The following ANO3 variants were observed in gnomAD, a reference collection of about 807,000 sequenced individuals.
ANO3 encodes anoctamin 3.
In ANO3, 99 loss-of-function variants were observed where a neutral mutation model predicts 144.8. The ratio of observed to expected loss-of-function variants is 0.68; its 90% CI spans 0.58 to 0.81. The LOEUF is 0.81. Ranked by LOEUF, ANO3 falls within the 30% of genes least tolerant of loss-of-function variation. The pLI is 0.00. For missense variants in ANO3, 905 were observed against 1,202.2 expected (o/e 0.75, Z 3.66); for synonymous variants, 414 against 392.6 (o/e 1.05, Z -0.64).
At position 26,598,892 on chromosome 11, in the gene ANO3, A is replaced by G; in HGVS notation, c.1565A>G (p.Tyr522Cys). ...CGTCCCCAGTTTGAAGCCAAGTATT[A>G]CAAGATGGAGATTGTAAATCCCATC... ...TLRPQFEAKYYKMEIVNPITG... is the reference protein window; with the variant it reads ...TLRPQFEAKYCKMEIVNPITG... Residue 522 changes from tyrosine (Y) to cysteine (C), a missense_variant, in exon 16 of 27, where the codon TAC becomes TGC. This residue lies in a region of ANO3 where 597 missense variants were observed against 865.1 expected (regional missense o/e 0.69). Transcript: ENST00000256737. The G allele has an allele frequency of 6.2e-7, 1 of 1,613,994 alleles. No individual in the cohort carries two copies. The highest frequency in any genetic ancestry group is 8.5e-7 in the Non-Finnish European group (1 of 1,179,962).
At chr11:26,531,032 TA>T (rs1463705667) in intron 7 of ANO3, among the ~76,000 whole-genome samples, 172 bp from the exon 8 acceptor site, 14 of 152,366 alleles carry the variant, frequency 9.2e-5, no homozygotes, top group African/African-American at 3.1e-4. Flanking sequence ...TTTGTTTTGC[TA>T]TTTTCTTCTT....
At chr11:26,397,983 G>A (rs9943475) in intron 1 of ANO3, among the ~76,000 whole-genome samples, 40,021 of 150,774 alleles carry the variant, frequency 0.27, 5,917 homozygotes, top group African/African-American at 0.4. Flanking sequence ...GCTCCCTTCA[G>A]CTTTTCTCAA....
At chr11:26,436,881 G>A (rs72886264) in intron 1 of ANO3, among the ~76,000 whole-genome samples, 6,360 of 152,158 alleles carry the variant, frequency 0.042, 183 homozygotes, top group African/African-American at 0.078. Context: ...TAGGAGATTC[G>A]TCCGGTGGTG....
intron 14 of ANO3, 80 bp downstream of exon 14, chr11:26,559,859 CA>C (rs1285370414): frequency 8.8e-6 from 8 of 905,584 alleles, no homozygotes; most frequent in Non-Finnish European, 7.3e-6. Context: ...CACACACACA[CA>C]CACACACACA....
chr11:26,649,076 CT>C (rs1853441093), intron 24 of ANO3, among the ~76,000 whole-genome samples: 1 of 152,056 alleles, frequency 6.6e-6, no homozygotes, highest in Admixed American at 6.5e-5. Flanking sequence ...CGAGTTGTAA[CT>C]TTGCCTTTTT....
chr11:26,358,838 G>A (rs1855852838), intron 1 of ANO3, among the ~76,000 whole-genome samples: 1 of 151,844 alleles, frequency 6.6e-6, no homozygotes. Flanking sequence ...ATTCACCAAC[G>A]TTTTCTTTCT....
At chr11:26,301,150 C>A (rs762732321) in intron 1 of ANO3, among the ~76,000 whole-genome samples, 1 of 134,374 alleles carries the variant, frequency 7.4e-6, no homozygotes, top group African/African-American at 3.3e-5. Flanking sequence ...CCACGCCCAG[C>A]CTCTTTACTT....
intron 12 of ANO3, among the ~76,000 whole-genome samples, chr11:26,547,908 A>T (rs560065164): frequency 1.3e-5 from 2 of 152,062 alleles, no homozygotes; most frequent in East Asian, 3.9e-4. Flanking sequence ...TCATTATAAA[A>T]GCTATAATTT....
chr11:26,457,379 C>T (rs567649073), intron 3 of ANO3, among the ~76,000 whole-genome samples: 1 of 149,060 alleles, frequency 6.7e-6, no homozygotes, highest in East Asian at 2.0e-4. Flanking sequence ...TTAAAATTTT[C>T]CACTGGCATA....
intron 17 of ANO3, among the ~76,000 whole-genome samples, chr11:26,605,417 G>A (rs1426534384): frequency 6.6e-6 from 1 of 152,128 alleles, no homozygotes; most frequent in Non-Finnish European, 1.5e-5. Flanking sequence ...CCAGGTTTTG[G>A]TATCAGGATG....
At chr11:26,625,013 C>A (rs1852535663) in intron 18 of ANO3, among the ~76,000 whole-genome samples, 1 of 151,952 alleles carries the variant, frequency 6.6e-6, no homozygotes, top group Admixed American at 6.6e-5. Flanking sequence ...CAAGCTGCAC[C>A]TCGCAGGTTC....
chr11:26,511,430 T>A (rs866468149), intron 5 of ANO3, among the ~76,000 whole-genome samples: 26 of 152,044 alleles, frequency 1.7e-4, no homozygotes, highest in African/African-American at 5.3e-4. Context: ...AAAAAAAAAT[T>A]TTTTATACTC....
At chr11:26,250,642 T>C (rs77594943) in intron 1 of ANO3, among the ~76,000 whole-genome samples, 2,802 of 152,262 alleles carry the variant, frequency 0.018, 70 homozygotes, top group East Asian at 0.13. Context: ...ACTAAATTAT[T>C]TTTCTCATTT....
intron 1 of ANO3, among the ~76,000 whole-genome samples, chr11:26,317,315 T>C (rs952232389): frequency 6.6e-6 from 1 of 151,528 alleles, no homozygotes; most frequent in Non-Finnish European, 1.5e-5. Flanking sequence ...ATCATCAGAG[T>C]GAGCAGGCAA....
chr11:26,659,389 G>T (rs1190921870), intron 26 of ANO3, among the ~76,000 whole-genome samples: 1 of 149,904 alleles, frequency 6.7e-6, no homozygotes, highest in African/African-American at 2.5e-5. Flanking sequence ...CATTACTTTT[G>T]TCAGTTCATT....
At chr11:26,438,609 G>GAAAAAA (rs1222012718) in intron 1 of ANO3, among the ~76,000 whole-genome samples, 3 of 73,300 alleles carry the variant, frequency 4.1e-5, no homozygotes, top group African/African-American at 1.1e-4. Flanking sequence ...AAAAAAAAAA[G>GAAAAAA]AAAAAAAAAA....
At chr11:26,622,657 G>A (rs552547652) in intron 17 of ANO3, among the ~76,000 whole-genome samples, 1 of 152,276 alleles carries the variant, frequency 6.6e-6, no homozygotes, top group East Asian at 1.9e-4. Flanking sequence ...AAGGCACGAT[G>A]TATGTGGTGC....
chr11:26,594,187 C>G (rs75587155), intron 14 of ANO3, among the ~76,000 whole-genome samples: 3,629 of 152,244 alleles, frequency 0.024, 154 homozygotes, highest in African/African-American at 0.084. Flanking sequence ...GTCCTTCTAG[C>G]ATGCAAGTTA....
chr11:26,476,930 TGTGAGA>T (rs771045182), intron 4 of ANO3, among the ~76,000 whole-genome samples: 8 of 145,002 alleles, frequency 5.5e-5, no homozygotes, highest in African/African-American at 1.0e-4. Flanking sequence ...TGTGTGTGTG[TGTGAGA>T]GAGAGAGAGA....
Sources: allele counts gnomAD v4.1 joint callset (sites outside exome capture counted in the v4.1 genomes callset), GRCh38; gene constraint gnomAD v4.1.1; regional missense constraint gnomAD v4.1.1; transcripts MANE v1.5; gene names NCBI Gene and HGNC (gene_info 2026-07-23, HGNC 2026-07-21).